DMC1: variants seen among roughly 807,000 people sequenced by gnomAD.
The protein encoded by DMC1 is DNA meiotic recombinase 1.
Under a neutral mutation model 50.1 loss-of-function variants are expected in DMC1, and 27 were observed. The ratio of observed to expected loss-of-function variants is 0.54; its 90% confidence interval spans 0.40 to 0.74. The LOEUF is 0.74. DMC1 is among the 30% of genes least tolerant of loss of function. The pLI is 0.00. For missense variants in DMC1, 295 were observed against 420.2 expected (o/e 0.70, Z 2.60); for synonymous variants, 148 against 136.1 (o/e 1.09, Z -0.61).
chr22:38,532,468 C>T (rs937524868), intron 12 of DMC1, among the ~76,000 whole-genome samples: 6 of 150,432 alleles, frequency 4.0e-5, no homozygotes, highest in Admixed American at 1.3e-4. Context: ...ATTACAGGCA[C>T]GCGCATTTAC....
At chr22:38,513,481 T>C in the DMC1 span, among the ~76,000 whole-genome samples, 1 of 152,248 alleles carries the variant, frequency 6.6e-6, no homozygotes, top group Non-Finnish European at 1.5e-5. Context: ...GAGTCCTGAC[T>C]AGCCACACTT....
Position 38,553,778 on chromosome 22 carries a change from G to C in DMC1, c.380-1071C>G, listed in dbSNP as rs575594173. ...GTTCGAGACCAGCCTGGGCAACATGGTGAAATGCCATCTCTACTAAAAAAT... is the reference window on the plus strand; with the variant it reads ...GTTCGAGACCAGCCTGGGCAACATGCTGAAATGCCATCTCTACTAAAAAAT... On this transcript the variant is annotated intron_variant, in intron 6 of 13. Coordinates refer to ENST00000216024, the MANE Select transcript of DMC1 (RefSeq NM_007068.4). 6.1e-4 allele frequency among the ~76,000 whole-genome samples: 93 copies of C among 151,716 alleles called. 1 individual carries two copies. Among genetic ancestry groups the C allele is most frequent in the Non-Finnish European group, 1.2e-3 (82 of 67,924 alleles).
chr22:38,557,098 T>C (rs61447699), intron 5 of DMC1, among the ~76,000 whole-genome samples: 3,448 of 152,310 alleles, frequency 0.023, 130 homozygotes, highest in African/African-American at 0.079. Context: ...GGTAAACGTG[T>C]GCCATGGTGG....
At chr22:38,515,094 C>T (rs6001143), downstream of DMC1, among the ~76,000 whole-genome samples, 4,126 of 150,636 alleles carry the variant, frequency 0.027, 191 homozygotes, top group African/African-American at 0.095. Context: ...TCTTGAACTC[C>T]TAACCTCGTG....
intron 12 of DMC1, among the ~76,000 whole-genome samples, chr22:38,532,149 C>A (rs771488326): frequency 6.6e-6 from 1 of 152,098 alleles, no homozygotes; most frequent in Non-Finnish European, 1.5e-5. Flanking sequence ...TCTTCCATTT[C>A]TCTTCAGTTT....
intron 8 of DMC1, among the ~76,000 whole-genome samples, chr22:38,545,547 G>A (rs540788953): frequency 3.3e-5 from 5 of 152,062 alleles, no homozygotes; most frequent in East Asian, 1.9e-4. Flanking sequence ...TCAGCCTCCC[G>A]AGTAGCTGGG....
intron 12 of DMC1, among the ~76,000 whole-genome samples, chr22:38,522,733 T>C (rs2090042820): frequency 6.6e-6 from 1 of 152,246 alleles, no homozygotes; most frequent in Non-Finnish European, 1.5e-5. Context: ...TTGTGCTTGC[T>C]CCATTAAAGT....
At chr22:38,537,502 G>A (rs1366147256) in intron 12 of DMC1, 90 bp downstream of exon 12, 19 of 1,260,732 alleles carry the variant, frequency 1.5e-5, no homozygotes, top group Non-Finnish European at 2.1e-5. Flanking sequence ...GTGAGCCACC[G>A]TGCCCGGCCT....
At chr22:38,555,962 G>A (rs2090465422) in intron 5 of DMC1, among the ~76,000 whole-genome samples, 1 of 151,934 alleles carries the variant, frequency 6.6e-6, no homozygotes, top group South Asian at 2.1e-4. Context: ...CTCACGAGTA[G>A]CTGGGATTAC....
At position 38,538,369 on chromosome 22, in the gene DMC1, C is replaced by A. The variant is rs2090239907; in HGVS notation, c.701G>T (p.Ser234Ile). The change falls in exon 11 of 14, where the codon AGT becomes ATT. Residue 234 changes from serine to isoleucine, a missense_variant. By Grantham distance (142) the Ser-to-Ile change is moderately radical. Coordinates refer to ENST00000216024, the MANE Select transcript of DMC1 (RefSeq NM_007068.4). ...SIMALFRVDF[S>I]GRGELAERQQ... ...CCGTTCGGCCAACTCCCCACGGCCA[C>A]TGAAATCCACTCGAAAAAGTGCCAT... 2 of 1,613,870 alleles carry A rather than the reference C, an allele frequency of 1.2e-6. No individual in the cohort carries two copies. Among genetic ancestry groups the A allele is most frequent in the Non-Finnish European group, 1.7e-6 (2 of 1,180,036 alleles).
intron 13 of DMC1, 32 bp downstream of exon 13, chr22:38,521,576 C>T: frequency 7.7e-7 from 1 of 1,294,856 alleles, no homozygotes. Context: ...CACACACACA[C>T]ACACACACAC....
At position 38,565,250 on chromosome 22, in the gene DMC1, A is replaced by G. The variant is rs964620044; in HGVS notation, c.243+1340T>C. 4.0e-5 allele frequency among the ~76,000 whole-genome samples: 6 copies of G among 151,220 alleles called. No individual in the cohort carries two copies. The East Asian group carries it at 1.2e-3, about 29-fold the overall frequency. On this transcript the variant is annotated intron_variant, in intron 4 of 13. Coordinates refer to ENST00000216024, the MANE Select transcript of DMC1 (RefSeq NM_007068.4). ...CAGTCAGTGGGCCCTGCTAGAAAGTAGTAAGGTAGGAGAGGGGATTTGACT... is the reference window on the plus strand; with the variant it reads ...CAGTCAGTGGGCCCTGCTAGAAAGTGGTAAGGTAGGAGAGGGGATTTGACT...
intron 12 of DMC1, among the ~76,000 whole-genome samples, chr22:38,528,882 C>T (rs1481730281): frequency 6.6e-6 from 1 of 152,156 alleles, no homozygotes. Flanking sequence ...GACCAGGAAA[C>T]TTTTCTTAAA....
At chr22:38,564,244 G>T (rs999304194) in intron 4 of DMC1, among the ~76,000 whole-genome samples, 2 of 152,222 alleles carry the variant, frequency 1.3e-5, no homozygotes, top group Admixed American at 1.3e-4. Context: ...GCAGAGGCAG[G>T]AGGATCACTT....
chr22:38,554,658 C>T (rs760885413), intron 6 of DMC1, among the ~76,000 whole-genome samples: 3 of 150,402 alleles, frequency 2.0e-5, no homozygotes, highest in Non-Finnish European at 2.9e-5. Flanking sequence ...GGCAACATAG[C>T]GAGACCCTTT....
In DMC1 at chr22:38,549,948, G is replaced by C; in HGVS notation, c.471C>G (p.Ile157Met). 6.2e-7 allele frequency: 1 copy of C among 1,613,392 alleles called. No individual in the cohort carries two copies. Among genetic ancestry groups the C allele is most frequent in the Non-Finnish European group, 8.5e-7 (1 of 1,179,512 alleles). Residue 157 changes from isoleucine to methionine, a missense_variant, in exon 8 of 14, where the codon ATC becomes ATG. Transcript: ENST00000216024. Reference protein sequence around the residue: ...GAGGYPGGKIIFIDTENTFRP... With the variant: ...GAGGYPGGKIMFIDTENTFRP... Reference sequence around the variant, plus strand: ...ACAAAGTATTTTCTGTATCAATGAAGATAATCTTTCCTCCTGGGTAGCCAC... The same window carrying C: ...ACAAAGTATTTTCTGTATCAATGAACATAATCTTTCCTCCTGGGTAGCCAC...
intron 8 of DMC1, among the ~76,000 whole-genome samples, chr22:38,548,304 T>C (rs1490604142): frequency 1.3e-5 from 2 of 152,338 alleles, no homozygotes; most frequent in East Asian, 3.9e-4. Context: ...CTGGGTGCAA[T>C]GGCTCATGCC....
At chr22:38,523,193 A>G (rs1742842739) in intron 12 of DMC1, among the ~76,000 whole-genome samples, 1 of 152,226 alleles carries the variant, frequency 6.6e-6, no homozygotes, top group South Asian at 2.1e-4. Flanking sequence ...CAGACAGTTG[A>G]GACTAACGGC....
chr22:38,541,149 C>T (rs1366660494), intron 8 of DMC1, among the ~76,000 whole-genome samples: 2 of 152,012 alleles, frequency 1.3e-5, no homozygotes, highest in Non-Finnish European at 2.9e-5. Flanking sequence ...CATGATTTAG[C>T]AGGAGATAAG....
Sources: allele counts gnomAD v4.1 joint callset (sites outside exome capture counted in the v4.1 genomes callset), GRCh38; gene constraint gnomAD v4.1.1; transcripts MANE v1.5; gene names NCBI Gene and HGNC (gene_info 2026-07-23, HGNC 2026-07-21).